Variants in CCDC144A observed in about 807,000 individuals in gnomAD.
CCDC144A encodes coiled-coil domain containing 144A.
In CCDC144A, 41 loss-of-function variants were observed where a neutral mutation model predicts 143.8. The observed-to-expected ratio is 0.29, with a 90% confidence interval of 0.22 to 0.37. The LOEUF (loss-of-function observed/expected upper bound fraction) is 0.37, where lower values mean the gene tolerates loss of function less well. CCDC144A is among the 10% of genes least tolerant of loss of function. CCDC144A has a pLI of 1.00. For synonymous variants in CCDC144A, 242 were observed against 517.9 expected, an observed-to-expected ratio of 0.47 and a Z score of 7.23; for missense variants, 637 against 1,488.8, an observed-to-expected ratio of 0.43 and a Z score of 9.41.
At chr17:16,751,977 T>G (rs1246963325) in intron 12 of CCDC144A, among the ~76,000 whole-genome samples, 2 of 152,238 alleles carry the variant, frequency 1.3e-5, no homozygotes, top group Non-Finnish European at 2.9e-5. Flanking sequence ...GTTAGCTGTT[T>G]CAGGCAGTGG....
chr17:16,690,479 C>T lies in CCDC144A; in HGVS notation c.79C>T (p.Pro27Ser), dbSNP rs765136331. The T allele has an allele frequency of 6.2e-6, 10 of 1,613,306 alleles. No homozygotes were observed. In the East Asian group the frequency reaches 1.8e-4, roughly 29 times the overall value. The change falls in exon 1 of 17, where the codon CCT (proline) becomes TCT (serine). Residue 27 changes from proline (P) to serine (S), a missense_variant. By Grantham distance (74) the Pro-to-Ser change is moderately conservative (BLOSUM62 -1). Transcript: ENST00000399273. ...GGCAGTCTACGCCACGAGGAAGACCCCTAGCGTCGGGAGCCAGGGGGACCA... is the reference window on the plus strand; with the variant it reads ...GGCAGTCTACGCCACGAGGAAGACCTCTAGCGTCGGGAGCCAGGGGGACCA... ...KPAVYATRKT[P>S]SVGSQGDQWY...
chr17:16,756,649 G>A (rs1915101224), intron 12 of CCDC144A, among the ~76,000 whole-genome samples: 3 of 150,286 alleles, frequency 2.0e-5, no homozygotes, highest in South Asian at 4.2e-4. Context: ...TTTGGGATCT[G>A]TTACTGGAGA....
chr17:16,744,363 G>T (rs1914394537), intron 12 of CCDC144A, among the ~76,000 whole-genome samples: 1 of 152,160 alleles, frequency 6.6e-6, no homozygotes, highest in Non-Finnish European at 1.5e-5. Flanking sequence ...AATCTGGGTT[G>T]TTGTTGCTTA....
intron 12 of CCDC144A, among the ~76,000 whole-genome samples, chr17:16,741,741 C>T (rs1438936780): frequency 1.3e-5 from 2 of 152,122 alleles, no homozygotes; most frequent in African/African-American, 2.4e-5. Flanking sequence ...TGACACCACA[C>T]CTGGCTTCTT....
chr17:16,709,706 G>C, intron 5 of CCDC144A, 71 bp downstream of exon 5: 4 of 1,509,168 alleles, frequency 2.7e-6, no homozygotes, highest in Middle Eastern at 2.5e-4. Flanking sequence ...TTTCCACTTA[G>C]GAAAAGCATA....
the CCDC144A span, among the ~76,000 whole-genome samples, chr17:16,678,751 GTTTTTTTTTTTT>G: frequency 1.4e-3 from 113 of 78,080 alleles, no homozygotes; most frequent in African/African-American, 4.9e-3. Flanking sequence ...TGGCTAATTT[GTTTTTTTTTTTT>G]TTTTTTTTTG....
intron 12 of CCDC144A, among the ~76,000 whole-genome samples, chr17:16,736,235 CTTTTTTTTTTT>C (rs71214289): frequency 2.0e-5 from 2 of 98,182 alleles, no homozygotes; most frequent in African/African-American, 3.8e-5. Flanking sequence ...AAGGCATTTA[CTTTTTTTTTTT>C]TTTTTTTTTT....
intron 12 of CCDC144A, among the ~76,000 whole-genome samples, chr17:16,749,798 T>C (rs1914703571): frequency 6.6e-6 from 1 of 152,252 alleles, no homozygotes; most frequent in Non-Finnish European, 1.5e-5. Context: ...GTATTTAGGA[T>C]AGGGATGTCT....
At position 16,761,465 on chromosome 17, in the gene CCDC144A, G is replaced by A. The variant is rs777857834; in HGVS notation, c.3413G>A (p.Cys1138Tyr). Residue 1138 changes from cysteine (C) to tyrosine (Y), a missense_variant, in exon 13 of 17, where the codon TGT becomes TAT. Coordinates refer to ENST00000399273, the MANE Select transcript of CCDC144A (RefSeq NM_001382000.1). ...TEAQETVPSR[C>Y]LHLDAENEVL... ...GCACAGGAAACTGTACCTTCACGAT[G>A]TCTACATCTGGATGCAGAGAATGAA... 2 of 1,576,926 alleles carry A rather than the reference G, an allele frequency of 1.3e-6. No homozygotes were observed. The highest frequency in any genetic ancestry group is 1.4e-5 in the African/African-American group (1 of 73,688).
intron 15 of CCDC144A, among the ~76,000 whole-genome samples, chr17:16,768,940 C>G (rs1388232548): frequency 6.6e-6 from 1 of 152,050 alleles, no homozygotes; most frequent in Admixed American, 6.6e-5. Context: ...GGATAGGCAG[C>G]AAATGGTGCT....
intron 6 of CCDC144A, among the ~76,000 whole-genome samples, chr17:16,717,103 C>CTTTTTTT (rs1195816990): frequency 4.0e-5 from 5 of 126,530 alleles, no homozygotes; most frequent in Admixed American, 8.1e-5. Flanking sequence ...GCTCGGCCAG[C>CTTTTTTT]TTTTTTTTTT....
chr17:16,693,127 C>T, intron 2 of CCDC144A, 78 bp downstream of exon 2: 2 of 1,536,706 alleles, frequency 1.3e-6, no homozygotes, highest in South Asian at 1.3e-5. Context: ...AAGTTTTGAT[C>T]ATGAAAGAGC....
At chr17:16,724,397 C>T (rs1262319181) in intron 8 of CCDC144A, among the ~76,000 whole-genome samples, 1 of 150,344 alleles carries the variant, frequency 6.7e-6, no homozygotes, top group African/African-American at 2.5e-5. Context: ...ATTAGCAGGG[C>T]GTGGTGGCAG....
At chr17:16,686,728 T>C, upstream of CCDC144A, among the ~76,000 whole-genome samples, 1 of 147,886 alleles carries the variant, frequency 6.8e-6, no homozygotes, top group East Asian at 2.0e-4. Flanking sequence ...CTGCAACCTC[T>C]GCCTCTGTCA....
At position 16,760,385 on chromosome 17, in the gene CCDC144A, C is replaced by T. The variant is rs191135055; in HGVS notation, c.3373-1040C>T. On this transcript the variant is annotated intron_variant, in intron 12 of 16. Coordinates refer to ENST00000399273, the MANE Select transcript of CCDC144A (RefSeq NM_001382000.1). Reference sequence around the variant, plus strand: ...TTCCAACTCAGCACCATTGAAATTTCAGTGCAATTTTTTGTTGTCATTCTT... The same window carrying T: ...TTCCAACTCAGCACCATTGAAATTTTAGTGCAATTTTTTGTTGTCATTCTT... Among the ~76,000 whole-genome samples, 595 of 143,762 alleles carry T rather than the reference C, an allele frequency of 4.1e-3. 6 individuals are homozygous for T. The highest frequency in any genetic ancestry group is 5.7e-3 in the Admixed American group (84 of 14,736). 94.3% of individuals were successfully genotyped at this position (143,762 alleles called of 152,430 possible).
chr17:16,711,136 G>GAAAAAAAAAAAAAA lies in CCDC144A; in HGVS notation c.1579-534_1579-521dup, dbSNP rs1210697273. ...CTTTTTGATATCCCAGGATTCAAAT[G>GAAAAAAAAAAAAAA]AAAAAAAAAAAAAAAAAAAAAACAA... On this transcript the variant is annotated intron_variant, in intron 5 of 16. Coordinates refer to ENST00000399273, the MANE Select transcript of CCDC144A (RefSeq NM_001382000.1). Among the ~76,000 whole-genome samples, 82 of 21,720 alleles carry GAAAAAAAAAAAAAA rather than the reference G, an allele frequency of 3.8e-3. 1 individual carries two copies. Among genetic ancestry groups the GAAAAAAAAAAAAAA allele is most frequent in the Non-Finnish European group, 5.2e-3 (60 of 11,538 alleles). The allele number at this position is 21,720 out of a possible 152,430, so 14.2% of individuals were successfully genotyped here.
chr17:16,768,997 A>G (rs1915719822), intron 15 of CCDC144A, among the ~76,000 whole-genome samples: 1 of 152,212 alleles, frequency 6.6e-6, no homozygotes, highest in African/African-American at 2.4e-5. Flanking sequence ...ATAGATGGAC[A>G]TCAACACACT....
the CCDC144A span, chr17:16,683,686 A>G: frequency 6.2e-7 from 1 of 1,603,544 alleles, no homozygotes; most frequent in Non-Finnish European, 8.5e-7. Flanking sequence ...GGGCAGGAAA[A>G]TCAACATGGA....
chr17:16,685,202 T>G (rs1397023638), upstream of CCDC144A, among the ~76,000 whole-genome samples: 1 of 151,982 alleles, frequency 6.6e-6, no homozygotes, highest in Non-Finnish European at 1.5e-5. Flanking sequence ...GGTTTTTGTG[T>G]TTTTGGTAGC....
Sources: allele counts gnomAD v4.1 joint callset (sites outside exome capture counted in the v4.1 genomes callset), GRCh38; gene constraint gnomAD v4.1.1; transcripts MANE v1.5; gene names NCBI Gene and HGNC (gene_info 2026-07-23, HGNC 2026-07-21).